AKAP6: variants seen among roughly 807,000 people sequenced by gnomAD.
The protein encoded by AKAP6 is A-kinase anchoring protein 6.
In AKAP6, 58 loss-of-function variants were observed where a neutral mutation model predicts 188.5. The observed-to-expected ratio is 0.31, with a 90% confidence interval of 0.25 to 0.38. AKAP6 has a LOEUF of 0.38. Among genes scored for constraint, AKAP6 ranks in the 10% least tolerant of loss-of-function variants. The probability of loss-of-function intolerance (pLI) is 1.00; values close to 1 mark genes in which losing one functional copy is unlikely to be tolerated. For missense variants in AKAP6, 2,710 were observed against 2,740.0 expected (o/e 0.99, Z 0.24); for synonymous variants, 989 against 998.6 (o/e 0.99, Z 0.18).
chr14:32,341,007 A>C (rs970478905), intron 1 of AKAP6, among the ~76,000 whole-genome samples: 3 of 152,252 alleles, frequency 2.0e-5, no homozygotes, highest in Admixed American at 1.3e-4. Flanking sequence ...AAACATTCAG[A>C]CAATAGTATT....
chr14:32,656,195 G>A (rs1888446759), intron 7 of AKAP6, among the ~76,000 whole-genome samples: 1 of 151,936 alleles, frequency 6.6e-6, no homozygotes, highest in South Asian at 2.1e-4. Flanking sequence ...TGACTATAAA[G>A]ATATATTAAA....
At chr14:32,723,427 A>G (rs185926204) in intron 9 of AKAP6, among the ~76,000 whole-genome samples, 1 of 152,254 alleles carries the variant, frequency 6.6e-6, no homozygotes, top group East Asian at 1.9e-4. Flanking sequence ...TCTGAAATAG[A>G]TATTATAAAG....
At chr14:32,776,419 G>A (rs2033066571) in intron 12 of AKAP6, among the ~76,000 whole-genome samples, 2 of 152,098 alleles carry the variant, frequency 1.3e-5, no homozygotes, top group South Asian at 4.1e-4. Flanking sequence ...TGTGCCTTTT[G>A]CCTTCCACCA....
chr14:32,607,679 G>C (rs1886178909), intron 7 of AKAP6, among the ~76,000 whole-genome samples: 1 of 152,178 alleles, frequency 6.6e-6, no homozygotes, highest in African/African-American at 2.4e-5. Context: ...GATTACCTAA[G>C]ATTCAGATCA....
chr14:32,663,472 G>C (rs545216057), intron 7 of AKAP6, among the ~76,000 whole-genome samples: 1 of 152,162 alleles, frequency 6.6e-6, no homozygotes, highest in East Asian at 1.9e-4. Context: ...GGACAGAGGA[G>C]TCCTGTGTAC....
intron 2 of AKAP6, among the ~76,000 whole-genome samples, chr14:32,534,003 T>A (rs1882553977): frequency 2.0e-5 from 3 of 152,206 alleles, no homozygotes; most frequent in Admixed American, 1.3e-4. Flanking sequence ...CACCAATTAG[T>A]TCTTGGGTTT....
chr14:32,625,096 A>G (rs1267164384), intron 7 of AKAP6, among the ~76,000 whole-genome samples: 1 of 152,144 alleles, frequency 6.6e-6, no homozygotes, highest in Non-Finnish European at 1.5e-5. Flanking sequence ...TGCAAAGCAT[A>G]TTAAAATTAA....
chr14:32,465,298 A>G lies in AKAP6; in HGVS notation c.324+31481A>G, dbSNP rs556906767. Among the ~76,000 whole-genome samples the G allele has an allele frequency of 2.6e-5, 4 of 152,336 alleles. No homozygotes were observed. The East Asian group carries it at 7.7e-4, about 29-fold the overall frequency. ...ACAGCCAAGACAATTCCAAGCAAAA[A>G]GAACAAAGCTGTAGGCATGATGCTA... On this transcript the variant is annotated intron_variant, in intron 2 of 13. Coordinates refer to ENST00000280979, the MANE Select transcript of AKAP6 (RefSeq NM_004274.5).
At chr14:32,514,745 A>G (rs1392492128) in intron 2 of AKAP6, among the ~76,000 whole-genome samples, 1 of 152,242 alleles carries the variant, frequency 6.6e-6, no homozygotes, top group Non-Finnish European at 1.5e-5. Context: ...CAGGTGGTAT[A>G]GGGAGTTGAA....
chr14:32,510,172 C>G (rs936337527), intron 2 of AKAP6, among the ~76,000 whole-genome samples: 2 of 151,664 alleles, frequency 1.3e-5, no homozygotes, highest in African/African-American at 4.8e-5. Context: ...CTCCCTCTGC[C>G]CAGCTCTTCT....
chr14:32,823,017 G>A lies in AKAP6; in HGVS notation c.5204G>A (p.Ser1735Asn). The change falls in exon 13 of 14, where the codon AGC becomes AAC. Residue 1735 changes from serine (S) to asparagine (N), a missense_variant. Physicochemically the swap from Ser to Asn is conservative, Grantham distance 46. Coordinates refer to ENST00000280979, the MANE Select transcript of AKAP6 (RefSeq NM_004274.5). ...GCTGATGAAAGCGATGTCAATGTCA[G>A]CATGATTGTTAATGTCTCTTGCACC... ...SVADESDVNVSMIVNVSCTSA... is the reference protein window; with the variant it reads ...SVADESDVNVNMIVNVSCTSA... 6.2e-7 allele frequency: 1 copy of A among 1,613,860 alleles called. No individual in the cohort carries two copies. The highest frequency in any genetic ancestry group is 8.5e-7 in the Non-Finnish European group (1 of 1,179,898).
At chr14:32,599,387 A>AATGTTCAT in intron 5 of AKAP6, 23 bp from the exon 6 acceptor site, 1 of 1,595,512 alleles carries the variant, frequency 6.3e-7, no homozygotes, top group Non-Finnish European at 8.6e-7. Context: ...GCCAGGGTTT[A>AATGTTCAT]ATGTTCATAT....
chr14:32,470,974 C>G (rs1208703009), intron 2 of AKAP6, among the ~76,000 whole-genome samples: 1 of 150,530 alleles, frequency 6.6e-6, no homozygotes, highest in Non-Finnish European at 1.5e-5. Context: ...ATCTCAAATA[C>G]TTTAGATACA....
chr14:32,382,039 G>A, intron 1 of AKAP6, among the ~76,000 whole-genome samples: 1 of 152,036 alleles, frequency 6.6e-6, no homozygotes, highest in East Asian at 1.9e-4. Context: ...TTAACTTTCT[G>A]GGCCTCAGTA....
intron 1 of AKAP6, among the ~76,000 whole-genome samples, chr14:32,368,191 A>G (rs1236082729): frequency 6.6e-6 from 1 of 152,182 alleles, no homozygotes; most frequent in East Asian, 1.9e-4. Flanking sequence ...GGAGCTTAAC[A>G]CATGGTACCT....
intron 9 of AKAP6, among the ~76,000 whole-genome samples, chr14:32,704,021 C>T (rs927486316): frequency 1.3e-5 from 2 of 152,158 alleles, no homozygotes; most frequent in African/African-American, 2.4e-5. Context: ...GAAGGCTATC[C>T]GTTTGCCAGC....
intron 2 of AKAP6, among the ~76,000 whole-genome samples, chr14:32,434,840 C>T (rs891470707): frequency 6.6e-6 from 1 of 152,180 alleles, no homozygotes; most frequent in Non-Finnish European, 1.5e-5. Flanking sequence ...CAGAGCCCAG[C>T]TGCCCCATTA....
At chr14:32,511,324 T>G (rs1881247659) in intron 2 of AKAP6, among the ~76,000 whole-genome samples, 1 of 152,140 alleles carries the variant, frequency 6.6e-6, no homozygotes, top group African/African-American at 2.4e-5. Flanking sequence ...TTTCAGGTCT[T>G]TCTTTAATTC....
At chr14:32,745,961 T>C (rs1456683182) in intron 11 of AKAP6, among the ~76,000 whole-genome samples, 1 of 152,102 alleles carries the variant, frequency 6.6e-6, no homozygotes, top group Non-Finnish European at 1.5e-5. Flanking sequence ...GCACAGACCA[T>C]GGAGAGTACT....
Sources: gnomAD v4.1 joint callset for allele counts (sites outside exome capture counted in the v4.1 genomes callset) on GRCh38, gnomAD v4.1.1 for gene constraint, MANE v1.5 for transcripts, NCBI Gene and HGNC (gene_info 2026-07-23, HGNC 2026-07-21) for gene names.